The following PUDP variants were observed in gnomAD, a reference collection of about 807,000 sequenced individuals.
The protein encoded by PUDP is pseudouridine 5'-phosphatase.
PUDP carries 8 observed loss-of-function variants against 9.4 expected under a neutral mutation model. The observed-to-expected ratio is 0.85, with a 90% CI of 0.50 to 1.53. The LOEUF (loss-of-function observed/expected upper bound fraction) is 1.53. Ranked by LOEUF, PUDP falls within the 40% of genes most tolerant of loss-of-function variation. The pLI, the probability that PUDP is intolerant of heterozygous loss-of-function variation, is 0.00. For synonymous variants in PUDP, 99 were observed against 80.7 expected (o/e 1.23, Z -1.22); for missense variants, 188 against 189.7 (o/e 0.99, Z 0.05).
intron 3 of PUDP, among the ~76,000 whole-genome samples, chrX:6,929,839 T>A (rs1204928416): frequency 1.8e-5 from 2 of 111,928 alleles, no homozygotes; most frequent in Non-Finnish European, 3.8e-5. Flanking sequence ...GTGTTTTGTC[T>A]AGAAACTCTA....
At chrX:7,138,979 C>A in intron 1 of PUDP, among the ~76,000 whole-genome samples, 2 of 112,070 alleles carry the variant, frequency 1.8e-5, no homozygotes, top group Admixed American at 1.9e-4. Context: ...AGTAAAGATG[C>A]CTATGGCTTG....
intron 3 of PUDP, among the ~76,000 whole-genome samples, chrX:6,856,776 G>C (rs778421111): frequency 2.6e-4 from 29 of 111,445 alleles, no homozygotes; most frequent in Non-Finnish European, 5.1e-4. Context: ...TTCAGGATGG[G>C]ATTAACATTT....
At chrX:6,904,452 C>A (rs1464353107) in intron 3 of PUDP, among the ~76,000 whole-genome samples, 1 of 110,833 alleles carries the variant, frequency 9.0e-6, no homozygotes, top group African/African-American at 3.3e-5. Flanking sequence ...GTTATCCATC[C>A]CTAAACGTCA....
chrX:7,005,120 T>G (rs1237895118), intron 1 of PUDP, among the ~76,000 whole-genome samples: 4 of 111,312 alleles, frequency 3.6e-5, no homozygotes, highest in Non-Finnish European at 7.5e-5. Flanking sequence ...GTGACCTGCC[T>G]GGAGCAGCGC....
At chrX:6,834,871 G>C (rs1420605683) in intron 3 of PUDP, among the ~76,000 whole-genome samples, 1 of 110,605 alleles carries the variant, frequency 9.0e-6, no homozygotes, top group Non-Finnish European at 1.9e-5. Context: ...ATCCACTCAT[G>C]AGGGTGCAGC....
chrX:6,923,100 CAA>C (rs1693934308), intron 3 of PUDP, among the ~76,000 whole-genome samples: 1 of 111,732 alleles, frequency 8.9e-6, no homozygotes, highest in South Asian at 3.8e-4. Flanking sequence ...CTTGATCTCT[CAA>C]GAGCATTTGA....
chrX:7,088,141 A>G (rs1417795438), intron 2 of PUDP, among the ~76,000 whole-genome samples: 1 of 112,813 alleles, frequency 8.9e-6, no homozygotes, highest in Non-Finnish European at 1.9e-5. Flanking sequence ...TGAAAATAAA[A>G]GAGACAAAGT....
intron 3 of PUDP, among the ~76,000 whole-genome samples, chrX:6,894,232 T>A (rs952069682): frequency 9.0e-6 from 1 of 111,228 alleles, no homozygotes; most frequent in African/African-American, 3.3e-5. Context: ...CTGCACATCC[T>A]GCACATGTAC....
At chrX:6,730,896 A>G (rs1924800725) in intron 3 of PUDP, among the ~76,000 whole-genome samples, 1 of 111,504 alleles carries the variant, frequency 9.0e-6, no homozygotes, top group Admixed American at 9.5e-5. Flanking sequence ...ACTTGAACAG[A>G]AACATCTGGC....
intron 2 of PUDP, among the ~76,000 whole-genome samples, chrX:7,079,445 A>G (rs1931016085): frequency 8.9e-6 from 1 of 112,697 alleles, no homozygotes; most frequent in African/African-American, 3.2e-5. Flanking sequence ...AGCAGACTTC[A>G]GAACCACTGT....
chrX:6,967,216 G>A (rs78251759), intron 3 of PUDP, among the ~76,000 whole-genome samples: 4,501 of 111,477 alleles, frequency 0.04, 191 homozygotes, highest in South Asian at 0.28. Flanking sequence ...AGACCCACGC[G>A]GTTCCTCCCC....
chrX:7,034,209 T>C (rs1929826067), intron 1 of PUDP, among the ~76,000 whole-genome samples: 1 of 112,232 alleles, frequency 8.9e-6, no homozygotes, highest in Admixed American at 9.4e-5. Flanking sequence ...CAGCCCTACC[T>C]TGGACCTTTC....
chrX:6,769,508 T>C (rs1254988455), intron 3 of PUDP, among the ~76,000 whole-genome samples: 1 of 112,052 alleles, frequency 8.9e-6, no homozygotes, highest in East Asian at 2.8e-4. Flanking sequence ...AGGCAGGCTG[T>C]CAGCAGCCAC....
intron 1 of PUDP, among the ~76,000 whole-genome samples, chrX:6,991,245 T>C (rs1929172229): frequency 8.9e-6 from 1 of 111,764 alleles, no homozygotes; most frequent in African/African-American, 3.3e-5. Flanking sequence ...TCTCAATCAC[T>C]TGCACTTGAG....
In PUDP at chrX:6,712,820, G is replaced by T. The variant is rs182499145; in HGVS notation, n.129-6354C>A. On this transcript the variant is annotated intron_variant and non_coding_transcript_variant, in intron 1 of 2. Coordinates refer to the PUDP transcript ENST00000438499. ...CCCAGCACTTTAGGAGGCTGAGGCGGGTGGATCACTTGAGGCCAGGAGTTC... is the reference window on the plus strand; with the variant it reads ...CCCAGCACTTTAGGAGGCTGAGGCGTGTGGATCACTTGAGGCCAGGAGTTC... 4.0e-3 allele frequency among the ~76,000 whole-genome samples: 442 copies of T among 111,685 alleles called. 3 individuals carry two copies. The highest frequency in any genetic ancestry group is 6.9e-3 in the Non-Finnish European group (366 of 53,067).
intron 3 of PUDP, among the ~76,000 whole-genome samples, chrX:6,773,175 C>T (rs1301886140): frequency 8.9e-6 from 1 of 112,018 alleles, no homozygotes; most frequent in Non-Finnish European, 1.9e-5. Context: ...GTTGGTTGTG[C>T]TGTCTTGGCT....
chrX:6,746,671 G>A (rs1397585980), intron 3 of PUDP, among the ~76,000 whole-genome samples: 1 of 110,713 alleles, frequency 9.0e-6, no homozygotes, highest in Non-Finnish European at 1.9e-5. Flanking sequence ...GTGGTGTTTG[G>A]TTTTTCTGTT....
intron 3 of PUDP, among the ~76,000 whole-genome samples, chrX:6,883,639 A>T (rs1569116617): frequency 9.0e-6 from 1 of 111,477 alleles, no homozygotes; most frequent in Non-Finnish European, 1.9e-5. Context: ...ATATTCTACA[A>T]GCAGGGACTT....
intron 3 of PUDP, among the ~76,000 whole-genome samples, chrX:6,837,280 T>C (rs760036507): frequency 8.9e-6 from 1 of 112,499 alleles, no homozygotes; most frequent in Admixed American, 9.4e-5. Context: ...AAATATTTCC[T>C]TGGACACCTG....
Sources: gnomAD v4.1 joint callset for allele counts (sites outside exome capture counted in the v4.1 genomes callset) on GRCh38, gnomAD v4.1.1 for gene constraint, MANE v1.5 for transcripts, NCBI Gene and HGNC (gene_info 2026-07-23, HGNC 2026-07-21) for gene names.